Variants in UBE2K observed in about 807,000 individuals in gnomAD.
UBE2K encodes the protein ubiquitin conjugating enzyme E2 K.
A neutral mutation model predicts 30.0 loss-of-function variants in UBE2K; 6 were observed. The ratio of observed to expected loss-of-function variants is 0.20; its 90% CI spans 0.11 to 0.39. The LOEUF is 0.39. Among genes scored for constraint, UBE2K ranks in the 10% least tolerant of loss-of-function variants. The probability of loss-of-function intolerance (pLI) is 1.00; values close to 1 mark genes in which losing one functional copy is unlikely to be tolerated. For synonymous variants in UBE2K, 86 were observed against 83.7 expected, an observed-to-expected ratio of 1.03 and a Z score of -0.15; for missense variants, 61 against 241.6, an observed-to-expected ratio of 0.25 and a Z score of 4.96.
intron 1 of UBE2K, among the ~76,000 whole-genome samples, chr4:39,730,063 A>G (rs1244181725): frequency 6.6e-6 from 1 of 152,260 alleles, no homozygotes; most frequent in African/African-American, 2.4e-5. Context: ...TCATTATACT[A>G]CCAATATCTG....
intron 4 of UBE2K, among the ~76,000 whole-genome samples, chr4:39,766,604 T>G (rs1233376943): frequency 6.6e-6 from 1 of 152,080 alleles, no homozygotes; most frequent in Admixed American, 6.6e-5. Flanking sequence ...AGTAGTGGGG[T>G]CTTGCTGTGT....
intron 4 of UBE2K, among the ~76,000 whole-genome samples, chr4:39,769,144 T>C (rs945157118): frequency 2.0e-5 from 3 of 151,838 alleles, no homozygotes; most frequent in Non-Finnish European, 4.4e-5. Flanking sequence ...ATTAACAGTA[T>C]TTGTCAAATT....
intron 4 of UBE2K, among the ~76,000 whole-genome samples, chr4:39,759,541 C>G (rs1008303464): frequency 6.6e-6 from 1 of 152,164 alleles, no homozygotes; most frequent in Non-Finnish European, 1.5e-5. Flanking sequence ...GCCTCGGCCT[C>G]CCAGAGTGCT....
intron 3 of UBE2K, among the ~76,000 whole-genome samples, chr4:39,751,521 AT>A (rs1270905564): frequency 1.3e-5 from 2 of 152,124 alleles, no homozygotes; most frequent in Non-Finnish European, 2.9e-5. Context: ...TCCACAAAAA[AT>A]ATGAAAATTA....
intron 1 of UBE2K, among the ~76,000 whole-genome samples, chr4:39,718,633 C>T (rs956362290): frequency 9.2e-5 from 14 of 152,344 alleles, no homozygotes; most frequent in African/African-American, 2.2e-4. Context: ...CTGCAGGTCC[C>T]GAGCCCTGCC....
chr4:39,713,334 G>A (rs1351339507), intron 1 of UBE2K, among the ~76,000 whole-genome samples: 3 of 132,740 alleles, frequency 2.3e-5, no homozygotes, highest in African/African-American at 8.9e-5. Flanking sequence ...TAAGGCTGGA[G>A]TCTTGTTCTG....
intron 1 of UBE2K, among the ~76,000 whole-genome samples, chr4:39,728,537 C>G (rs1401254562): frequency 6.6e-6 from 1 of 152,196 alleles, no homozygotes; most frequent in African/African-American, 2.4e-5. Context: ...CCTGTAGTGT[C>G]AGTGATATCA....
chr4:39,748,623 A>C (rs533945049), intron 3 of UBE2K, among the ~76,000 whole-genome samples: 71 of 113,572 alleles, frequency 6.3e-4, no homozygotes, highest in African/African-American at 2.2e-3. Context: ...CTAGTCCCAA[A>C]AAAAAAAAAA....
intron 1 of UBE2K, among the ~76,000 whole-genome samples, chr4:39,704,204 G>A (rs139967877): frequency 0.038 from 5,728 of 151,800 alleles, 359 homozygotes; most frequent in African/African-American, 0.13. Flanking sequence ...TGCAGTGAGC[G>A]GTGATTGTGC....
intron 2 of UBE2K, among the ~76,000 whole-genome samples, chr4:39,744,767 C>T (rs1477000030): frequency 2.6e-5 from 4 of 151,072 alleles, no homozygotes; most frequent in African/African-American, 7.3e-5. Flanking sequence ...ATTAGCCAGG[C>T]GTGGTGATGG....
At chr4:39,767,014 G>A (rs965475316) in intron 4 of UBE2K, among the ~76,000 whole-genome samples, 3 of 152,192 alleles carry the variant, frequency 2.0e-5, no homozygotes, top group Non-Finnish European at 2.9e-5. Context: ...GCTTCCCAGA[G>A]TGCTGGGATT....
chr4:39,732,708 C>G (rs1034650698), intron 1 of UBE2K, among the ~76,000 whole-genome samples: 4 of 116,328 alleles, frequency 3.4e-5, no homozygotes, highest in African/African-American at 1.4e-4. Context: ...CAGAGTCTTG[C>G]TTCGTAGCCC....
intron 4 of UBE2K, chr4:39,771,470 G>A (rs1342944927): frequency 4.9e-5 from 75 of 1,528,692 alleles, no homozygotes; most frequent in African/African-American, 1.7e-4. Flanking sequence ...GCCCGGTTCC[G>A]CGCGCTGTTT....
intron 1 of UBE2K, among the ~76,000 whole-genome samples, chr4:39,712,861 CTTTT>C (rs542180052): frequency 1.5e-5 from 2 of 133,708 alleles, no homozygotes; most frequent in Non-Finnish European, 3.2e-5. Flanking sequence ...TTAGTGTTTA[CTTTT>C]TTTTTTTTTT....
chr4:39,755,927 A>G (rs1351627132), intron 4 of UBE2K, among the ~76,000 whole-genome samples, 188 bp downstream of exon 4: 1 of 152,224 alleles, frequency 6.6e-6, no homozygotes, highest in Non-Finnish European at 1.5e-5. Flanking sequence ...TTAAATAGAA[A>G]CTTGTTAGAT....
chr4:39,747,166 A>G (rs1721025940), intron 3 of UBE2K, among the ~76,000 whole-genome samples: 2 of 152,166 alleles, frequency 1.3e-5, no homozygotes, highest in South Asian at 4.1e-4. Flanking sequence ...CTATTTTCTG[A>G]TAAGTCTGGT....
chr4:39,708,607 A>G (rs1292548102), intron 1 of UBE2K, among the ~76,000 whole-genome samples: 1 of 152,090 alleles, frequency 6.6e-6, no homozygotes, highest in Non-Finnish European at 1.5e-5. Context: ...AAAGTTTTCA[A>G]AAGATGCTTT....
Position 39,706,985 on chromosome 4 carries a change from C to T in UBE2K, c.63+8595C>T, listed in dbSNP as rs191487464. On this transcript the variant is annotated intron_variant, in intron 1 of 6. Transcript: ENST00000261427. ...GCAGTGGCTTTATCTCGGCTCACTG[C>T]AGCCTCCGCCTCCTGGCTTCAAGTG... 5.9e-3 allele frequency among the ~76,000 whole-genome samples: 891 copies of T among 152,206 alleles called. 7 individuals carry two copies. The highest frequency in any genetic ancestry group is 9.3e-3 in the Non-Finnish European group (634 of 67,974).
Position 39,782,420 on chromosome 4 carries a change from C to T in UBE2K, c.*3986C>T, listed in dbSNP as rs1713668351. ...ATTGAAAATAATATCTATTTTTTAG[C>T]TTTCAGCAATTGATGGTGCTTTGTT... On this transcript the variant is annotated 3_prime_UTR_variant, in exon 7 of 7. Transcript: ENST00000261427. 6.6e-6 allele frequency: 1 copy of T among 152,668 alleles called. No homozygotes were observed. The highest frequency in any genetic ancestry group is 1.5e-5 in the Non-Finnish European group (1 of 68,464). The allele number at this position is 152,668 out of a possible 1,614,324, so 9.5% of individuals were successfully genotyped here. A position where few individuals can be genotyped will look rare whatever the true frequency, so the allele number is the denominator to read the frequency against.
Sources: gnomAD v4.1 joint callset for allele counts (sites outside exome capture counted in the v4.1 genomes callset) on GRCh38, gnomAD v4.1.1 for gene constraint, MANE v1.5 for transcripts, NCBI Gene and HGNC (gene_info 2026-07-23, HGNC 2026-07-21) for gene names.